PDE2A: variants seen among roughly 807,000 people sequenced by gnomAD.
The protein encoded by PDE2A is cGMP-dependent 3',5'-cyclic phosphodiesterase.
PDE2A carries 53 observed loss-of-function variants against 133.6 expected under a neutral mutation model. That is an observed-to-expected ratio of 0.40 (90% CI 0.32 to 0.50). The LOEUF (loss-of-function observed/expected upper bound fraction) is 0.50, where lower values mean the gene tolerates loss of function less well. Ranked by LOEUF, PDE2A falls within the 20% of genes least tolerant of loss-of-function variation. The pLI, the probability that PDE2A is intolerant of heterozygous loss-of-function variation, is 0.73. For missense variants in PDE2A, 796 were observed against 1,232.4 expected (o/e 0.65, Z 5.30); for synonymous variants, 491 against 490.2 (o/e 1.00, Z -0.02).
chr11:72,620,080 C>G (rs2135393406), intron 2 of PDE2A, among the ~76,000 whole-genome samples: 1 of 152,300 alleles, frequency 6.6e-6, no homozygotes, highest in Non-Finnish European at 1.5e-5. Context: ...CCCACCTCTG[C>G]TGGAGCTCCT....
chr11:72,604,042 C>A (rs920109628), intron 4 of PDE2A, among the ~76,000 whole-genome samples: 1 of 152,240 alleles, frequency 6.6e-6, no homozygotes, highest in Non-Finnish European at 1.5e-5. Flanking sequence ...GACCACCTGG[C>A]CTGCTGGAAA....
chr11:72,593,411 C>T (rs1250082004), intron 6 of PDE2A, among the ~76,000 whole-genome samples: 1 of 152,180 alleles, frequency 6.6e-6, no homozygotes. Context: ...CTTACACCTG[C>T]TCTTGCTAAT....
At chr11:72,668,066 C>T (rs1327188021) in intron 1 of PDE2A, among the ~76,000 whole-genome samples, 7 of 152,204 alleles carry the variant, frequency 4.6e-5, no homozygotes, top group Non-Finnish European at 1.0e-4. Flanking sequence ...AAGCTCAGCT[C>T]TAATCAGAAA....
chr11:72,596,611 G>A lies in PDE2A; in HGVS notation c.471C>T (p.Ala157=), dbSNP rs201081600. 13 of 1,503,188 alleles carry A rather than the reference G, an allele frequency of 8.6e-6. No homozygotes were observed. Among genetic ancestry groups the A allele is most frequent in the East Asian group, 7.6e-5 (3 of 39,296 alleles). 93.1% of individuals were successfully genotyped at this position (1,503,188 alleles called of 1,614,324 possible). Residue 157 remains alanine, a synonymous_variant, in exon 6 of 31, where the codon GCC becomes GCT. Transcript: ENST00000334456. ...VMPLADKEAG[A]VAAVILVHCG... ...CTCTTACCAAGATGACAGCTGCCAC[G>A]GCCCCAGCCTCCTTGTCCGCTAGCG...
Position 72,596,801 on chromosome 11 carries a change from G to A in PDE2A, c.434-153C>T, listed in dbSNP as rs369431673. 1.2e-4 allele frequency among the ~76,000 whole-genome samples: 19 copies of A among 152,182 alleles called. 1 individual carries two copies. The highest frequency in any genetic ancestry group is 3.1e-4 in the African/African-American group (13 of 41,498). ...CCAAAACCCACAGAAACACAGAGGC[G>A]GGTCCTGAGGCAGCAACAAAAACAA... On this transcript the variant is annotated intron_variant, in intron 5 of 30. Coordinates refer to ENST00000334456, the MANE Select transcript of PDE2A (RefSeq NM_002599.5).
chr11:72,589,619 C>T, intron 11 of PDE2A, 132 bp downstream of exon 11: 1 of 784,132 alleles, frequency 1.3e-6, no homozygotes. Context: ...TCTAAGTAGT[C>T]CCAAGATCCA....
chr11:72,584,445 T>C (rs927401864), intron 18 of PDE2A, 106 bp downstream of exon 18: 5 of 1,376,682 alleles, frequency 3.6e-6, no homozygotes, highest in East Asian at 5.0e-5. Context: ...GACTCCCTTA[T>C]GCTCCGGGAC....
intron 2 of PDE2A, among the ~76,000 whole-genome samples, chr11:72,621,136 T>TA (rs1857751338): frequency 6.6e-6 from 1 of 152,126 alleles, no homozygotes; most frequent in African/African-American, 2.4e-5. Flanking sequence ...TGTCAGAGCC[T>TA]AGACAGGGCT....
intron 4 of PDE2A, among the ~76,000 whole-genome samples, chr11:72,602,531 C>T (rs1443028474): frequency 6.6e-6 from 1 of 152,188 alleles, no homozygotes; most frequent in Non-Finnish European, 1.5e-5. Context: ...AGTCCCTCTC[C>T]CTCCTGGGGG....
At position 72,605,129 on chromosome 11, in the gene PDE2A, A is replaced by G; in HGVS notation, c.323+9T>C. On this transcript the variant is annotated intron_variant, in intron 4 of 30. Transcript: ENST00000334456. ...CAAGAGGGCAATGGGGGTGCAGAGA[A>G]TGGCTCACCGGACTTTCCCCTCCTG... The G allele has an allele frequency of 6.3e-7, 1 of 1,588,916 alleles. No individual in the cohort carries two copies. The highest frequency in any genetic ancestry group is 8.6e-7 in the Non-Finnish European group (1 of 1,160,104).
intron 2 of PDE2A, among the ~76,000 whole-genome samples, chr11:72,632,928 A>T (rs1338130542): frequency 6.6e-6 from 1 of 152,098 alleles, no homozygotes; most frequent in Non-Finnish European, 1.5e-5. Context: ...GAAAGTGCCT[A>T]GGATGAGGGG....
intron 2 of PDE2A, among the ~76,000 whole-genome samples, chr11:72,617,416 C>T (rs1857528041): frequency 6.6e-6 from 1 of 152,168 alleles, no homozygotes; most frequent in Admixed American, 6.5e-5. Flanking sequence ...TGCCCTGGGG[C>T]TCTCCCTGAC....
At chr11:72,603,041 C>T (rs1317026913) in intron 4 of PDE2A, among the ~76,000 whole-genome samples, 1 of 152,216 alleles carries the variant, frequency 6.6e-6, no homozygotes, top group African/African-American at 2.4e-5. Flanking sequence ...TTTCAGGTAG[C>T]AGCTGAGCCT....
chr11:72,637,148 T>C (rs979356170), intron 2 of PDE2A, among the ~76,000 whole-genome samples: 1 of 137,366 alleles, frequency 7.3e-6, no homozygotes, highest in Admixed American at 6.8e-5. Context: ...TGTTTCCTCC[T>C]GGAAGCTCCC....
intron 4 of PDE2A, among the ~76,000 whole-genome samples, chr11:72,600,790 GACAGC>G (rs1856710386): frequency 6.6e-6 from 1 of 152,110 alleles, no homozygotes; most frequent in Non-Finnish European, 1.5e-5. Context: ...GAAGGCTAAT[GACAGC>G]ACTGGGTGCC....
intron 1 of PDE2A, among the ~76,000 whole-genome samples, chr11:72,650,381 T>G (rs1460187381): frequency 6.6e-6 from 1 of 151,900 alleles, no homozygotes; most frequent in African/African-American, 2.4e-5. Flanking sequence ...TGAGCCCCCA[T>G]CCTTCTCTCT....
intron 2 of PDE2A, among the ~76,000 whole-genome samples, chr11:72,632,485 G>A (rs1368652037): frequency 2.0e-5 from 3 of 152,254 alleles, no homozygotes; most frequent in Non-Finnish European, 4.4e-5. Flanking sequence ...GCAGCCCAGG[G>A]TGTGGCAGGG....
At chr11:72,643,930 C>A (rs1477480614) in intron 1 of PDE2A, among the ~76,000 whole-genome samples, 1 of 152,194 alleles carries the variant, frequency 6.6e-6, no homozygotes, top group Non-Finnish European at 1.5e-5. Flanking sequence ...AAGCCCGAGC[C>A]CTGAGCCTGG....
chr11:72,642,058 A>G (rs1858973965), intron 2 of PDE2A, among the ~76,000 whole-genome samples, 196 bp downstream of exon 2: 1 of 152,228 alleles, frequency 6.6e-6, no homozygotes, highest in Admixed American at 6.5e-5. Flanking sequence ...AAAGGAGTTC[A>G]GAGTCTGGGG....
Sources: gnomAD v4.1 joint callset for allele counts (sites outside exome capture counted in the v4.1 genomes callset) on GRCh38, gnomAD v4.1.1 for gene constraint, MANE v1.5 for transcripts, NCBI Gene and HGNC (gene_info 2026-07-23, HGNC 2026-07-21) for gene names.